Variants in PARPBP observed in about 807,000 individuals in gnomAD.
The protein encoded by PARPBP is PARP1 binding protein, also known as PCNA-interacting partner.
In PARPBP, 52 loss-of-function variants were observed where a neutral mutation model predicts 50.0. The ratio of observed to expected loss-of-function variants is 1.04; its 90% CI spans 0.83 to 1.31. PARPBP has a LOEUF of 1.31. Ranked by LOEUF, PARPBP falls within the 50% of genes most tolerant of loss-of-function variation. The probability of loss-of-function intolerance (pLI) is 0.00; values close to 1 mark genes in which losing one functional copy is unlikely to be tolerated. For synonymous variants in PARPBP, 244 were observed against 232.1 expected (o/e 1.05, Z -0.47); for missense variants, 697 against 672.0 (o/e 1.04, Z -0.41).
intron 2 of PARPBP, among the ~76,000 whole-genome samples, chr12:102,143,753 C>T (rs1303270302): frequency 6.6e-6 from 1 of 152,090 alleles, no homozygotes; most frequent in South Asian, 2.1e-4. Flanking sequence ...TTGCATCTGA[C>T]TGACAATCGT....
chr12:102,193,077 A>T (rs1365745477), intron 9 of PARPBP, among the ~76,000 whole-genome samples: 2 of 151,546 alleles, frequency 1.3e-5, no homozygotes, highest in Admixed American at 6.6e-5. Flanking sequence ...TTGCCTTGTG[A>T]TGGTAGTTTT....
chr12:102,188,834 A>G (rs978514433), intron 9 of PARPBP, among the ~76,000 whole-genome samples: 5 of 152,142 alleles, frequency 3.3e-5, no homozygotes, highest in Non-Finnish European at 5.9e-5. Context: ...GAGATTTAGA[A>G]TCGATGACAT....
intron 2 of PARPBP, among the ~76,000 whole-genome samples, chr12:102,126,679 C>T (rs562554956): frequency 2.2e-3 from 328 of 152,136 alleles, no homozygotes; most frequent in Non-Finnish European, 2.9e-3. Flanking sequence ...CCCAGCTACT[C>T]GGGAGGCTGA....
At position 102,176,878 on chromosome 12, in the gene PARPBP, C is replaced by G. The variant is rs114115931; in HGVS notation, c.1005+1212C>G. 1.4e-3 allele frequency among the ~76,000 whole-genome samples: 208 copies of G among 152,278 alleles called. 1 individual carries two copies. The highest frequency in any genetic ancestry group is 4.8e-3 in the African/African-American group (199 of 41,562). On this transcript the variant is annotated intron_variant, in intron 7 of 10. Transcript: ENST00000327680. ...CCTGTGTATTTCATGGGTGTTAACA[C>G]TTCCTGGTGAATAGTTTGGCTCAAA...
intron 9 of PARPBP, among the ~76,000 whole-genome samples, chr12:102,187,626 C>G (rs1331091159): frequency 6.6e-6 from 1 of 152,158 alleles, no homozygotes. Flanking sequence ...CTACCTGTCT[C>G]CTCAGATGAG....
In PARPBP at chr12:102,137,488, C is replaced by T. The variant is rs1291340301; in HGVS notation, c.154-10742C>T. On this transcript the variant is annotated intron_variant, in intron 2 of 10. Coordinates refer to ENST00000327680, the MANE Select transcript of PARPBP (RefSeq NM_017915.5). ...ATTTTTTAGCTTGAATTATATAATG[C>T]CTCTCTAGCAGTTATATACTGCTAA... 2.7e-5 allele frequency among the ~76,000 whole-genome samples: 4 copies of T among 150,782 alleles called. No homozygotes were observed. In the East Asian group the frequency reaches 7.8e-4, roughly 29 times the overall value.
intron 2 of PARPBP, among the ~76,000 whole-genome samples, chr12:102,132,141 G>T (rs1408764572): frequency 6.6e-6 from 1 of 151,848 alleles, no homozygotes; most frequent in Non-Finnish European, 1.5e-5. Flanking sequence ...GGAGGTGGAG[G>T]TTGCAGTAAG....
Position 102,182,551 on chromosome 12 carries a change from C to A in PARPBP, c.1187C>A (p.Ser396Tyr). The change falls in exon 9 of 11, where the codon TCT (serine) becomes TAT (tyrosine). Residue 396 changes from serine to tyrosine, a missense_variant and splice_region_variant. Ser to Tyr is a moderately radical substitution (Grantham distance 144). Coordinates refer to ENST00000327680, the MANE Select transcript of PARPBP (RefSeq NM_017915.5). Reference sequence around the variant, plus strand: ...TGCCTTTTTTTTTTTTGACATAGGTCTCCCACACAGGTGAATAATTCGATA... The same window carrying A: ...TGCCTTTTTTTTTTTTGACATAGGTATCCCACACAGGTGAATAATTCGATA... ...HGTSILTLFRSPTQVNNSIKP... is the reference protein window; with the variant it reads ...HGTSILTLFRYPTQVNNSIKP... 1.3e-6 allele frequency: 2 copies of A among 1,597,222 alleles called. No homozygotes were observed. Among genetic ancestry groups the A allele is most frequent in the South Asian group, 1.1e-5 (1 of 89,382 alleles).
At chr12:102,136,816 G>A (rs982249871) in intron 2 of PARPBP, among the ~76,000 whole-genome samples, 2 of 152,128 alleles carry the variant, frequency 1.3e-5, no homozygotes, top group Admixed American at 1.3e-4. Context: ...ATATGTCTGC[G>A]GGTGCATTCG....
At chr12:102,129,196 C>T (rs561706290) in intron 2 of PARPBP, among the ~76,000 whole-genome samples, 3 of 152,196 alleles carry the variant, frequency 2.0e-5, no homozygotes, top group African/African-American at 7.2e-5. Context: ...ATATGTTGCC[C>T]AGGCTGTACT....
chr12:102,131,250 G>A (rs1490871470), intron 2 of PARPBP, among the ~76,000 whole-genome samples: 3 of 152,128 alleles, frequency 2.0e-5, no homozygotes, highest in Non-Finnish European at 4.4e-5. Flanking sequence ...ACTTGAACCC[G>A]AGAGGCAGAG....
chr12:102,185,471 A>G (rs911615381), intron 9 of PARPBP, among the ~76,000 whole-genome samples: 1 of 152,076 alleles, frequency 6.6e-6, no homozygotes, highest in Non-Finnish European at 1.5e-5. Flanking sequence ...TTTTCATTAG[A>G]GATGTTGGCC....
chr12:102,152,180 C>T (rs1886293960), intron 3 of PARPBP, among the ~76,000 whole-genome samples: 1 of 152,076 alleles, frequency 6.6e-6, no homozygotes, highest in African/African-American at 2.4e-5. Context: ...AAGCTTGTTG[C>T]TAGAGTGGAA....
At position 102,161,768 on chromosome 12, in the gene PARPBP, T is replaced by TA. The variant is rs1382475322; in HGVS notation, c.496-2665dup. Among the ~76,000 whole-genome samples, 78 of 152,046 alleles carry TA rather than the reference T, an allele frequency of 5.1e-4. 2 individuals carry two copies. Among genetic ancestry groups the TA allele is most frequent in the Non-Finnish European group, 1.0e-4 (7 of 68,004 alleles). ...AAATATTGTATCCTTAAAAAAATAT[T>TA]AAAAAGAAAAGTATGCAGAGAATTA... On this transcript the variant is annotated intron_variant, in intron 4 of 10. Transcript: ENST00000327680.
intron 4 of PARPBP, 137 bp downstream of exon 4, chr12:102,154,113 A>G: frequency 1.8e-6 from 1 of 562,354 alleles, no homozygotes; most frequent in Non-Finnish European, 3.2e-6. Flanking sequence ...CTGTATTCGC[A>G]AAGAATAATA....
rs530331735 is a variant in PARPBP at position 102,192,391 on chromosome 12, TAGTA to T, written c.1264-2915_1264-2912del. On this transcript the variant is annotated intron_variant, in intron 9 of 10. Transcript: ENST00000327680. ...AATGGTTTCCCCAAAGTTATCTAGTTAGTAAGTAATACGGCCAGCATTAGAAGCC... is the reference window on the plus strand; with the variant it reads ...AATGGTTTCCCCAAAGTTATCTAGTTAGTAATACGGCCAGCATTAGAAGCC... Among the ~76,000 whole-genome samples the T allele has an allele frequency of 1.6e-4, 25 of 152,228 alleles. No homozygotes were observed. The East Asian group carries it at 4.8e-3, about 29-fold the overall frequency.
At chr12:102,121,599 G>A (rs1291310142) in intron 1 of PARPBP, among the ~76,000 whole-genome samples, 3 of 139,062 alleles carry the variant, frequency 2.2e-5, no homozygotes, top group Non-Finnish European at 3.0e-5. Context: ...TGTCACCTAG[G>A]CTGGAGTGCA....
At chr12:102,181,756 A>G (rs901980850) in intron 8 of PARPBP, among the ~76,000 whole-genome samples, 5 of 152,176 alleles carry the variant, frequency 3.3e-5, no homozygotes, top group African/African-American at 1.2e-4. Flanking sequence ...GTTAGAACAA[A>G]ACACCCCAGA....
chr12:102,133,135 G>A (rs1404923330), intron 2 of PARPBP, among the ~76,000 whole-genome samples: 3 of 152,088 alleles, frequency 2.0e-5, no homozygotes, highest in South Asian at 4.2e-4. Flanking sequence ...GATGCCTTTT[G>A]TTTCTTTTTC....
Sources: gnomAD v4.1 joint callset for allele counts (sites outside exome capture counted in the v4.1 genomes callset) on GRCh38, gnomAD v4.1.1 for gene constraint, MANE v1.5 for transcripts, NCBI Gene and HGNC (gene_info 2026-07-23, HGNC 2026-07-21) for gene names.